Variants in SERGEF observed in about 807,000 individuals in gnomAD.
The protein encoded by SERGEF is secretion-regulating guanine nucleotide exchange factor.
Under a neutral mutation model 50.0 loss-of-function variants are expected in SERGEF, and 51 were observed. That is an observed-to-expected ratio of 1.02 (90% CI 0.81 to 1.29). SERGEF has a LOEUF of 1.29. Among genes scored for constraint, SERGEF ranks in the 50% most tolerant of loss-of-function variants. SERGEF has a pLI of 0.00. For synonymous variants in SERGEF, 205 were observed against 212.4 expected (o/e 0.97, Z 0.30); for missense variants, 521 against 557.0 (o/e 0.94, Z 0.65).
At chr11:17,830,526 A>AAGAGAGTGAGAGAGAGGAAG (rs1212169673) in intron 10 of SERGEF, among the ~76,000 whole-genome samples, 1 of 150,500 alleles carries the variant, frequency 6.6e-6, no homozygotes, top group Non-Finnish European at 1.5e-5. Flanking sequence ...GGTAGATGGC[A>AAGAGAGTGAGAGAGAGGAAG]AGAGAGTGAG....
At chr11:17,967,470 T>C (rs993792260) in intron 8 of SERGEF, among the ~76,000 whole-genome samples, 5 of 152,192 alleles carry the variant, frequency 3.3e-5, no homozygotes, top group African/African-American at 1.2e-4. Context: ...AAGGTCAGAT[T>C]CCCAAAACAT....
At chr11:17,928,690 G>A (rs1852295518) in intron 9 of SERGEF, among the ~76,000 whole-genome samples, 1 of 151,870 alleles carries the variant, frequency 6.6e-6, no homozygotes, top group African/African-American at 2.4e-5. Flanking sequence ...AGTGTCAGTC[G>A]AGACTACCCT....
intron 9 of SERGEF, among the ~76,000 whole-genome samples, chr11:17,914,250 G>T (rs996987473): frequency 6.6e-6 from 1 of 152,102 alleles, no homozygotes; most frequent in African/African-American, 2.4e-5. Context: ...CCTCATCCAT[G>T]AAGTTTTCCT....
intron 10 of SERGEF, among the ~76,000 whole-genome samples, chr11:17,823,013 T>C (rs939753069): frequency 1.2e-4 from 19 of 152,146 alleles, no homozygotes; most frequent in African/African-American, 4.6e-4. Context: ...CATATTGTAT[T>C]TAGATTTTGC....
At chr11:17,923,381 AC>A (rs1852193125) in intron 9 of SERGEF, among the ~76,000 whole-genome samples, 2 of 152,292 alleles carry the variant, frequency 1.3e-5, no homozygotes, top group African/African-American at 4.8e-5. Flanking sequence ...CAATCCTGGG[AC>A]ATGTTCTTAG....
chr11:17,840,340 A>T (rs1850477701), intron 10 of SERGEF, among the ~76,000 whole-genome samples: 1 of 152,214 alleles, frequency 6.6e-6, no homozygotes. Flanking sequence ...AAATGTTCTT[A>T]AAGCATGTAT....
chr11:17,898,259 C>T (rs1851683248), intron 9 of SERGEF, among the ~76,000 whole-genome samples: 1 of 152,190 alleles, frequency 6.6e-6, no homozygotes, highest in African/African-American at 2.4e-5. Flanking sequence ...CATAAGCTGT[C>T]ACCCTCTGCC....
chr11:17,826,393 T>C (rs370234009), intron 10 of SERGEF, among the ~76,000 whole-genome samples: 1 of 152,210 alleles, frequency 6.6e-6, no homozygotes, highest in African/African-American at 2.4e-5. Context: ...GACTTTTAAT[T>C]CTCGGGCTCC....
At chr11:17,915,460 G>A (rs1852032118) in intron 9 of SERGEF, among the ~76,000 whole-genome samples, 1 of 152,162 alleles carries the variant, frequency 6.6e-6, no homozygotes, top group Non-Finnish European at 1.5e-5. Context: ...AAAGGGAGAG[G>A]TGATCTGAGT....
chr11:17,956,297 T>C (rs1477668923), intron 9 of SERGEF, among the ~76,000 whole-genome samples: 1 of 152,166 alleles, frequency 6.6e-6, no homozygotes, highest in African/African-American at 2.4e-5. Flanking sequence ...AAAGGGCACA[T>C]AGAAAGAAGG....
At chr11:17,927,969 G>A (rs189990705) in intron 9 of SERGEF, among the ~76,000 whole-genome samples, 1 of 152,328 alleles carries the variant, frequency 6.6e-6, no homozygotes, top group African/African-American at 2.4e-5. Context: ...AAGGGCTGAG[G>A]AGAAAATGCT....
intron 10 of SERGEF, among the ~76,000 whole-genome samples, chr11:17,845,886 A>G (rs962403768): frequency 6.6e-6 from 1 of 152,216 alleles, no homozygotes; most frequent in Non-Finnish European, 1.5e-5. Context: ...TCACCAGGTG[A>G]TTAAGTTCTG....
chr11:17,881,994 ATAATC>A (rs1851339756), intron 9 of SERGEF, among the ~76,000 whole-genome samples: 1 of 152,208 alleles, frequency 6.6e-6, no homozygotes, highest in South Asian at 2.1e-4. Context: ...ACCAAATAAT[ATAATC>A]CTTTTGTTCT....
At chr11:17,891,217 G>A (rs1056874978) in intron 9 of SERGEF, among the ~76,000 whole-genome samples, 1 of 152,172 alleles carries the variant, frequency 6.6e-6, no homozygotes, top group African/African-American at 2.4e-5. Context: ...AATTTAAAAT[G>A]TGAATTCCTA....
chr11:17,933,559 A>G lies in SERGEF; in HGVS notation c.1011+25911T>C, dbSNP rs146903952. On this transcript the variant is annotated intron_variant, in intron 9 of 10. Coordinates refer to ENST00000265965, the MANE Select transcript of SERGEF (RefSeq NM_012139.4). ...TCAGGTTCCTCATATATAAAATTAA[A>G]CAATAATATCTGCCATAATTCAACA... 8.9e-4 allele frequency among the ~76,000 whole-genome samples: 135 copies of G among 152,278 alleles called. 1 individual carries two copies. Among genetic ancestry groups the G allele is most frequent in the African/African-American group, 3.2e-3 (132 of 41,554 alleles).
chr11:17,957,957 T>A (rs1466270491), intron 9 of SERGEF, among the ~76,000 whole-genome samples: 1 of 152,204 alleles, frequency 6.6e-6, no homozygotes, highest in African/African-American at 2.4e-5. Context: ...TGGAGATGTG[T>A]ATACACAAAA....
chr11:17,883,588 C>T (rs978091665), intron 9 of SERGEF, among the ~76,000 whole-genome samples: 4 of 152,168 alleles, frequency 2.6e-5, no homozygotes, highest in African/African-American at 7.2e-5. Context: ...TCACAGCTAG[C>T]GGAGGTGCAG....
At chr11:17,841,049 G>A (rs1358572065) in intron 10 of SERGEF, among the ~76,000 whole-genome samples, 1 of 152,122 alleles carries the variant, frequency 6.6e-6, no homozygotes, top group East Asian at 1.9e-4. Flanking sequence ...TCCTTCTTAG[G>A]CTGAATTCTC....
intron 8 of SERGEF, among the ~76,000 whole-genome samples, chr11:17,979,599 C>T (rs369441435): frequency 2.6e-5 from 4 of 152,248 alleles, no homozygotes; most frequent in African/African-American, 9.6e-5. Flanking sequence ...GCCAGAGGCG[C>T]TCAGTGAATG....
Sources: allele counts gnomAD v4.1 joint callset (sites outside exome capture counted in the v4.1 genomes callset), GRCh38; gene constraint gnomAD v4.1.1; transcripts MANE v1.5; gene names NCBI Gene and HGNC (gene_info 2026-07-23, HGNC 2026-07-21).